The following ZRANB3 variants were observed in gnomAD, a reference collection of about 807,000 sequenced individuals.
The protein encoded by ZRANB3 is zinc finger RANBP2-type containing 3.
ZRANB3 carries 125 observed loss-of-function variants against 133.8 expected under a neutral mutation model. That is an observed-to-expected ratio of 0.93 (90% CI 0.81 to 1.08). The LOEUF is 1.08. Ranked by LOEUF, ZRANB3 falls within the 50% of genes least tolerant of loss-of-function variation. The pLI is 0.00. For synonymous variants in ZRANB3, 387 were observed against 432.7 expected (o/e 0.89, Z 1.31); for missense variants, 1,229 against 1,275.5 (o/e 0.96, Z 0.56).
intron 3 of ZRANB3, among the ~76,000 whole-genome samples, chr2:135,362,193 G>A (rs1355291804): frequency 1.1e-4 from 16 of 141,142 alleles, no homozygotes; most frequent in Admixed American, 2.9e-4. Context: ...GCAAGACTCC[G>A]TCTCAAAAAA....
intron 3 of ZRANB3, among the ~76,000 whole-genome samples, chr2:135,388,404 T>A (rs186978941): frequency 6.6e-6 from 1 of 152,138 alleles, no homozygotes; most frequent in African/African-American, 2.4e-5. Context: ...ATTCCATAGA[T>A]TTAAGGTGCA....
chr2:135,217,651 A>G (rs779956523), intron 16 of ZRANB3, 44 bp from the exon 17 acceptor site: 4 of 1,588,624 alleles, frequency 2.5e-6, no homozygotes, highest in South Asian at 1.2e-5. Context: ...TCACAGGCAG[A>G]TATCTTCCTT....
intron 12 of ZRANB3, among the ~76,000 whole-genome samples, chr2:135,237,822 A>T (rs1322529178): frequency 6.6e-6 from 1 of 152,146 alleles, no homozygotes; most frequent in Non-Finnish European, 1.5e-5. Flanking sequence ...GGATAGCATT[A>T]GGAGATATAC....
intron 8 of ZRANB3, among the ~76,000 whole-genome samples, chr2:135,294,860 T>C (rs1681958904): frequency 6.6e-6 from 1 of 152,230 alleles, no homozygotes; most frequent in Non-Finnish European, 1.5e-5. Context: ...ATGTACCCAA[T>C]ACTCATTCAG....
At chr2:135,314,892 G>A (rs1683180789) in intron 7 of ZRANB3, among the ~76,000 whole-genome samples, 1 of 151,904 alleles carries the variant, frequency 6.6e-6, no homozygotes, top group South Asian at 2.1e-4. Flanking sequence ...TGGGATTACG[G>A]GCACTCGCCA....
Position 135,208,914 on chromosome 2 carries a change from C to G in ZRANB3, c.2560G>C (p.Val854Leu). The G allele has an allele frequency of 6.2e-7, 1 of 1,613,994 alleles. No homozygotes were observed. Among genetic ancestry groups the G allele is most frequent in the Non-Finnish European group, 8.5e-7 (1 of 1,179,884 alleles). Reference protein sequence around the residue: ...MDKVKNVGGHVRLITKESRPR... With the variant: ...MDKVKNVGGHLRLITKESRPR... ...CTGGACTCCTTTGTGATCAGACGGA[C>G]ATGGCCCCCAACATTCTTCACTTTG... The change falls in exon 18 of 21, where the codon GTC becomes CTC. Residue 854 changes from valine to leucine, a missense_variant. Physicochemically the swap from Val to Leu is conservative, Grantham distance 32. Transcript: ENST00000264159.
chr2:135,474,593 T>C (rs566861498), intron 2 of ZRANB3, among the ~76,000 whole-genome samples: 44 of 152,136 alleles, frequency 2.9e-4, no homozygotes, highest in Non-Finnish European at 5.1e-4. Flanking sequence ...CCTTCCACCA[T>C]GAGTAAAAGC....
intron 6 of ZRANB3, among the ~76,000 whole-genome samples, chr2:135,328,583 TG>T (rs957729463): frequency 6.6e-6 from 1 of 152,128 alleles, no homozygotes; most frequent in Non-Finnish European, 1.5e-5. Flanking sequence ...TATCCAGAAA[TG>T]GGATCACTGG....
intron 2 of ZRANB3, among the ~76,000 whole-genome samples, chr2:135,459,228 A>T (rs577365411): frequency 6.6e-6 from 1 of 152,312 alleles, no homozygotes; most frequent in South Asian, 2.1e-4. Flanking sequence ...GACTTTGTCA[A>T]TTCTTTCTGC....
chr2:135,396,076 G>A (rs763740330), intron 2 of ZRANB3, among the ~76,000 whole-genome samples: 1 of 152,134 alleles, frequency 6.6e-6, no homozygotes, highest in Non-Finnish European at 1.5e-5. Flanking sequence ...AAATGTGCTC[G>A]ACAGCATTGA....
In ZRANB3 at chr2:135,275,642, T is replaced by C; in HGVS notation, c.1080A>G (p.Glu360=). The change falls in exon 9 of 21, where the codon GAA becomes GAG. Residue 360 remains glutamate (E), a synonymous_variant. Transcript: ENST00000264159. ...MLQACTEAVI[E]NKTRYIRIDG... Reference sequence around the variant, plus strand: ...TTAAAAAATGGCAACATACCTTATTTTCGATGACTGCTTCTGTGCAAGCTT... The same window carrying C: ...TTAAAAAATGGCAACATACCTTATTCTCGATGACTGCTTCTGTGCAAGCTT... 6.3e-7 allele frequency: 1 copy of C among 1,584,504 alleles called. No homozygotes were observed. Among genetic ancestry groups the C allele is most frequent in the Non-Finnish European group, 8.6e-7 (1 of 1,166,842 alleles).
At chr2:135,412,243 G>C (rs528255718) in intron 2 of ZRANB3, among the ~76,000 whole-genome samples, 3 of 152,208 alleles carry the variant, frequency 2.0e-5, no homozygotes, top group Non-Finnish European at 2.9e-5. Flanking sequence ...ATATGGGCTA[G>C]ACATGGGCTG....
At chr2:135,462,700 C>T (rs971397326) in intron 2 of ZRANB3, among the ~76,000 whole-genome samples, 2 of 151,786 alleles carry the variant, frequency 1.3e-5, no homozygotes, top group Non-Finnish European at 2.9e-5. Context: ...TCAAGAGATT[C>T]TCCTGCCTCA....
At position 135,224,507 on chromosome 2, in the gene ZRANB3, C is replaced by T. The variant is rs896282992; in HGVS notation, c.2169G>A (p.Lys723=). The T allele has an allele frequency of 1.2e-6, 2 of 1,611,918 alleles. No individual in the cohort carries two copies. The highest frequency in any genetic ancestry group is 2.2e-5 in the South Asian group (2 of 90,622). The change falls in exon 15 of 21, where the codon AAG becomes AAA. Residue 723 remains lysine, a synonymous_variant. Transcript: ENST00000264159. ...LTSQPGNEQW[K]SSDTLPVYDT... ...CATACACTGGCAAAGTGTCTGAACT[C>T]TTCCACTGTTCTATTAAAGAAGACA...
chr2:135,379,195 T>A (rs1372063792), intron 3 of ZRANB3, among the ~76,000 whole-genome samples: 3 of 152,206 alleles, frequency 2.0e-5, no homozygotes, highest in East Asian at 1.9e-4. Context: ...AAAATTTTTT[T>A]AAAAGAGCAC....
intron 3 of ZRANB3, among the ~76,000 whole-genome samples, chr2:135,371,602 A>G (rs1686182051): frequency 6.6e-6 from 1 of 152,352 alleles, no homozygotes; most frequent in South Asian, 2.1e-4. Context: ...AGACTTCTTT[A>G]AAATTGAAGA....
intron 3 of ZRANB3, among the ~76,000 whole-genome samples, chr2:135,380,993 G>A (rs1391445422): frequency 6.6e-6 from 1 of 152,102 alleles, no homozygotes; most frequent in Non-Finnish European, 1.5e-5. Context: ...GGGGATTGTG[G>A]GACAGTGGGT....
At chr2:135,240,473 C>T (rs1464425897) in intron 12 of ZRANB3, among the ~76,000 whole-genome samples, 2 of 152,196 alleles carry the variant, frequency 1.3e-5, no homozygotes, top group East Asian at 1.9e-4. Flanking sequence ...CTAGTTAAAC[C>T]ATACTGTTTT....
At chr2:135,227,785 GA>G in intron 14 of ZRANB3, 26 bp downstream of exon 14, 1 of 1,551,376 alleles carries the variant, frequency 6.4e-7, no homozygotes, top group Non-Finnish European at 8.7e-7. Flanking sequence ...TTATTACTTG[GA>G]TGCTAGAAAT....
Sources: allele counts gnomAD v4.1 joint callset (sites outside exome capture counted in the v4.1 genomes callset), GRCh38; gene constraint gnomAD v4.1.1; transcripts MANE v1.5; gene names NCBI Gene and HGNC (gene_info 2026-07-23, HGNC 2026-07-21).